Variants in STPG2 observed in about 807,000 individuals in gnomAD.
The protein encoded by STPG2 is sperm tail PG-rich repeat containing 2, also known as sperm-tail PG-rich repeat-containing protein 2.
In STPG2, 56 loss-of-function variants were observed where a neutral mutation model predicts 54.2. The ratio of observed to expected loss-of-function variants is 1.03; its 90% CI spans 0.83 to 1.29. The LOEUF (loss-of-function observed/expected upper bound fraction) is 1.29, where lower values mean the gene tolerates loss of function less well. Among genes scored for constraint, STPG2 ranks in the 50% most tolerant of loss-of-function variants. The pLI is 0.00. For missense variants in STPG2, 596 were observed against 544.9 expected, an observed-to-expected ratio of 1.09 and a Z score of -0.93; for synonymous variants, 200 against 181.8, an observed-to-expected ratio of 1.10 and a Z score of -0.81.
chr4:97,868,694 A>G (rs1729878091), intron 8 of STPG2, among the ~76,000 whole-genome samples: 2 of 151,764 alleles, frequency 1.3e-5, no homozygotes, highest in Non-Finnish European at 2.9e-5. Flanking sequence ...CATCTCAGAC[A>G]GCTCCAAGTC....
At chr4:97,623,942 T>C (rs745792610) in intron 10 of STPG2, among the ~76,000 whole-genome samples, 19 of 152,180 alleles carry the variant, frequency 1.2e-4, no homozygotes, top group Non-Finnish European at 2.5e-4. Context: ...TCCGGCTCCA[T>C]CCATGTCCTT....
intron 10 of STPG2, among the ~76,000 whole-genome samples, chr4:97,595,575 G>A (rs537437883): frequency 1.3e-5 from 2 of 151,344 alleles, no homozygotes; most frequent in South Asian, 4.2e-4. Context: ...TTGTGCACAT[G>A]TACCCTAGAA....
chr4:97,840,865 T>C lies in STPG2; in HGVS notation c.1112A>G (p.Tyr371Cys), dbSNP rs1483910805. Residue 371 changes from tyrosine to cysteine, a missense_variant, in exon 9 of 11, where the codon TAT (tyrosine) becomes TGT (cysteine). Coordinates refer to ENST00000295268, the MANE Select transcript of STPG2 (RefSeq NM_174952.3). ...AGCCACTAAACTACGAGGTGGCATA[T>C]ATTTATGCTTAACTTGGGACATCTC... is the stretch of plus-strand genomic sequence containing the variant. ...SYEMSQVKHK[Y>C]MPPRSLVAKR... 4 of 1,612,130 alleles carry C rather than the reference T, an allele frequency of 2.5e-6. No homozygotes were observed. The highest frequency in any genetic ancestry group is 1.3e-5 in the African/African-American group (1 of 74,792).
At chr4:97,513,201 G>A (rs186489707) in intron 4 of STPG2, among the ~76,000 whole-genome samples, 76 of 152,206 alleles carry the variant, frequency 5.0e-4, no homozygotes, top group African/African-American at 1.7e-3. Context: ...GGGAAGAACT[G>A]CACAGGGCAA....
At chr4:97,902,588 C>A (rs1465282042) in intron 8 of STPG2, among the ~76,000 whole-genome samples, 1 of 152,038 alleles carries the variant, frequency 6.6e-6, no homozygotes, top group Non-Finnish European at 1.5e-5. Flanking sequence ...ATCAAAACCA[C>A]AAGGAGATAC....
chr4:97,871,307 G>A (rs1021350925), intron 8 of STPG2, among the ~76,000 whole-genome samples: 1 of 150,816 alleles, frequency 6.6e-6, no homozygotes, highest in African/African-American at 2.4e-5. Context: ...AATTTTGAAG[G>A]TAGAGAATTT....
At chr4:98,067,372 A>T (rs571869730) in intron 5 of STPG2, among the ~76,000 whole-genome samples, 3 of 152,324 alleles carry the variant, frequency 2.0e-5, no homozygotes, top group African/African-American at 7.2e-5. Flanking sequence ...CTATATATTC[A>T]ATTTTAAAGA....
intron 2 of STPG2, among the ~76,000 whole-genome samples, chr4:98,130,670 C>T (rs1380394824): frequency 6.6e-6 from 1 of 151,972 alleles, no homozygotes; most frequent in African/African-American, 2.4e-5. Flanking sequence ...CACCTGTAAT[C>T]CCAGCACTTT....
chr4:97,489,434 C>T (rs1334324046), intron 4 of STPG2, among the ~76,000 whole-genome samples: 6 of 151,618 alleles, frequency 4.0e-5, no homozygotes, highest in Non-Finnish European at 7.4e-5. Flanking sequence ...AAGGCTAGTA[C>T]CACCTAGGTG....
intron 2 of STPG2, among the ~76,000 whole-genome samples, chr4:98,132,611 G>A (rs563497306): frequency 6.6e-6 from 1 of 151,738 alleles, no homozygotes; most frequent in African/African-American, 2.4e-5. Flanking sequence ...ACACTAAAAT[G>A]GAGGGAAAAA....
chr4:97,599,850 A>G (rs1243311807), intron 10 of STPG2, among the ~76,000 whole-genome samples: 1 of 151,776 alleles, frequency 6.6e-6, no homozygotes, highest in Non-Finnish European at 1.5e-5. Context: ...AAAGAAAAGA[A>G]AAGGAAAAAA....
intron 1 of STPG2, among the ~76,000 whole-genome samples, chr4:98,141,564 C>T (rs949975002): frequency 6.6e-6 from 1 of 152,120 alleles, no homozygotes; most frequent in African/African-American, 2.4e-5. Context: ...TTACCTATAG[C>T]CTGGAAGCCC....
At chr4:98,098,697 T>C (rs762875369) in intron 5 of STPG2, among the ~76,000 whole-genome samples, 93 of 152,116 alleles carry the variant, frequency 6.1e-4, no homozygotes, top group Non-Finnish European at 2.6e-4. Context: ...GCTCACAGAA[T>C]GAGAGAAAAT....
At chr4:97,975,372 C>CA (rs200798861) in intron 6 of STPG2, among the ~76,000 whole-genome samples, 1,724 of 152,080 alleles carry the variant, frequency 0.011, 27 homozygotes, top group African/African-American at 0.04. Context: ...ATACATTTCA[C>CA]AAAAAAATTA....
intron 8 of STPG2, among the ~76,000 whole-genome samples, chr4:97,884,895 C>G (rs1578654533): frequency 6.6e-6 from 1 of 151,878 alleles, no homozygotes; most frequent in Admixed American, 6.6e-5. Context: ...AATTTGGTAT[C>G]ATAATGACCA....
intron 5 of STPG2, among the ~76,000 whole-genome samples, chr4:98,085,395 T>C (rs1465943761): frequency 6.6e-6 from 1 of 152,108 alleles, no homozygotes; most frequent in African/African-American, 2.4e-5. Flanking sequence ...CTAAACATTA[T>C]AATCAGTTTA....
At chr4:98,104,633 TA>T (rs1272122924) in intron 5 of STPG2, among the ~76,000 whole-genome samples, 2 of 152,236 alleles carry the variant, frequency 1.3e-5, no homozygotes, top group Non-Finnish European at 2.9e-5. Context: ...TCAAAATTCT[TA>T]TTTTATCAGA....
intron 5 of STPG2, among the ~76,000 whole-genome samples, chr4:98,016,591 C>T (rs1207174831): frequency 6.6e-6 from 1 of 152,116 alleles, no homozygotes; most frequent in Non-Finnish European, 1.5e-5. Context: ...CCTTCAGCTC[C>T]ACAATTTCTG....
At chr4:97,813,713 C>T (rs1464762853) in intron 9 of STPG2, among the ~76,000 whole-genome samples, 5 of 63,294 alleles carry the variant, frequency 7.9e-5, no homozygotes, top group Non-Finnish European at 1.7e-4. Context: ...AAAAAAAAAG[C>T]ATGTTTTATA....
Sources: allele counts gnomAD v4.1 joint callset (sites outside exome capture counted in the v4.1 genomes callset), GRCh38; gene constraint gnomAD v4.1.1; transcripts MANE v1.5; gene names NCBI Gene and HGNC (gene_info 2026-07-23, HGNC 2026-07-21).